The following ARSG variants were observed in gnomAD, a reference collection of about 807,000 sequenced individuals.
The protein encoded by ARSG is ASG.
A neutral mutation model predicts 50.5 loss-of-function variants in ARSG; 37 were observed. That is an observed-to-expected ratio of 0.73 (90% CI 0.56 to 0.96). The LOEUF (loss-of-function observed/expected upper bound fraction) is 0.96, where lower values mean the gene tolerates loss of function less well. Among genes scored for constraint, ARSG ranks in the 50% least tolerant of loss-of-function variants. The pLI is 0.00. For missense variants in ARSG, 629 were observed against 675.3 expected (o/e 0.93, Z 0.76); for synonymous variants, 225 against 254.6 (o/e 0.88, Z 1.11).
At chr17:68,337,211 G>A (rs953366160) in intron 2 of ARSG, among the ~76,000 whole-genome samples, 3 of 152,184 alleles carry the variant, frequency 2.0e-5, no homozygotes, top group South Asian at 2.1e-4. Flanking sequence ...GGATTATTGC[G>A]TTTAAGGTGC....
intron 1 of ARSG, among the ~76,000 whole-genome samples, chr17:68,283,922 A>G (rs1367669182): frequency 3.3e-5 from 5 of 150,474 alleles, no homozygotes; most frequent in African/African-American, 1.2e-4. Flanking sequence ...ACATAGCAAA[A>G]CACTGTCTCT....
chr17:68,404,851 A>G (rs1469456204), intron 11 of ARSG, among the ~76,000 whole-genome samples: 1 of 152,130 alleles, frequency 6.6e-6, no homozygotes, highest in Non-Finnish European at 1.5e-5. Context: ...ATTTCCAGTT[A>G]ATTTTTGTAT....
chr17:68,291,182 G>T (rs1028409467), upstream of ARSG: 1 of 152,004 alleles, frequency 6.6e-6, no homozygotes, highest in African/African-American at 2.4e-5. Context: ...CATGAGAAAA[G>T]GATTAACCCC....
intron 1 of ARSG, among the ~76,000 whole-genome samples, chr17:68,281,955 G>T (rs1451847192): frequency 2.0e-5 from 3 of 152,150 alleles, no homozygotes; most frequent in African/African-American, 4.8e-5. Flanking sequence ...ATTCCTCAAG[G>T]ATCTAGAACT....
At chr17:68,419,194 A>G (rs1259078986) in intron 11 of ARSG, among the ~76,000 whole-genome samples, 1 of 152,138 alleles carries the variant, frequency 6.6e-6, no homozygotes, top group Non-Finnish European at 1.5e-5. Context: ...TGATTCACCA[A>G]TTGGTAGTCA....
At chr17:68,436,230 G>A in the ARSG span, 1 of 688,306 alleles carries the variant, frequency 1.5e-6, no homozygotes, top group Non-Finnish European at 2.5e-6. Flanking sequence ...AAGCCCGAGG[G>A]GAAATAGTAT....
chr17:68,294,884 C>T (rs1451858632), intron 1 of ARSG, among the ~76,000 whole-genome samples: 2 of 152,084 alleles, frequency 1.3e-5, no homozygotes, highest in African/African-American at 2.4e-5. Flanking sequence ...GAAGGCAGGG[C>T]CCTTCAAACT....
chr17:68,274,143 C>T, intron 1 of ARSG: 5 of 1,504,112 alleles, frequency 3.3e-6, no homozygotes, highest in Non-Finnish European at 4.6e-6. Flanking sequence ...ACTCCTTCCT[C>T]CACGTCTTGC....
rs567342286 is a variant in ARSG at position 68,333,628 on chromosome 17, CAAA to C, written c.219-9973_219-9971del. Among the ~76,000 whole-genome samples the C allele has an allele frequency of 2.1e-3, 214 of 102,394 alleles. 1 individual carries two copies. Among genetic ancestry groups the C allele is most frequent in the African/African-American group, 7.4e-3 (200 of 26,990 alleles). 67.2% of individuals were successfully genotyped at this position (102,394 alleles called of 152,430 possible). On this transcript the variant is annotated intron_variant, in intron 2 of 11. Coordinates refer to ENST00000621439, the MANE Select transcript of ARSG (RefSeq NM_001267727.2). ...GGGCAACAAGGGCAAAACTCTGTCTCAAAAATAATAATAATAATAATAATAATA... is the reference window on the plus strand; with the variant it reads ...GGGCAACAAGGGCAAAACTCTGTCTCAATAATAATAATAATAATAATAATA...
chr17:68,392,222 G>A (rs936290738), intron 9 of ARSG, among the ~76,000 whole-genome samples: 1 of 152,224 alleles, frequency 6.6e-6, no homozygotes, highest in Non-Finnish European at 1.5e-5. Context: ...CTGACTTCCA[G>A]TTGGCCTGGC....
intron 1 of ARSG, chr17:68,278,442 A>G (rs2075593716): frequency 3.1e-6 from 2 of 646,212 alleles, no homozygotes; most frequent in East Asian, 5.5e-5. Context: ...TAAGTTGTTG[A>G]ATATTTATTT....
chr17:68,392,744 C>T (rs975736886), intron 9 of ARSG, among the ~76,000 whole-genome samples: 6 of 152,226 alleles, frequency 3.9e-5, no homozygotes, highest in Non-Finnish European at 7.3e-5. Flanking sequence ...AGGTGATCCA[C>T]CCACCTCAGC....
At chr17:68,403,001 T>C (rs2081546446) in intron 11 of ARSG, among the ~76,000 whole-genome samples, 1 of 152,220 alleles carries the variant, frequency 6.6e-6, no homozygotes, top group East Asian at 1.9e-4. Context: ...TTGATTCAGT[T>C]ATTTAATGTT....
chr17:68,428,741 G>T, the ARSG span: 1 of 985,336 alleles, frequency 1.0e-6, no homozygotes, highest in Non-Finnish European at 1.6e-6. Context: ...ATCAATGCAA[G>T]GGCACTGAAG....
At chr17:68,371,312 G>A (rs148139645) in intron 8 of ARSG, among the ~76,000 whole-genome samples, 5,630 of 104,054 alleles carry the variant, frequency 0.054, 311 homozygotes, top group Admixed American at 0.17. Flanking sequence ...GTGAGACTCC[G>A]TCTCAAAAAA....
At chr17:68,278,715 G>T (rs529878016) in intron 1 of ARSG, among the ~76,000 whole-genome samples, 2 of 150,040 alleles carry the variant, frequency 1.3e-5, no homozygotes, top group Admixed American at 6.7e-5. Context: ...GGCCTCCCGG[G>T]TTCAAGTGAT....
At chr17:68,279,405 A>G (rs1268475434) in intron 1 of ARSG, among the ~76,000 whole-genome samples, 1 of 152,104 alleles carries the variant, frequency 6.6e-6, no homozygotes, top group African/African-American at 2.4e-5. Context: ...CACAGACACA[A>G]TGTCACTATA....
chr17:68,307,816 T>G (rs1333424577), intron 2 of ARSG, 105 bp downstream of exon 2: 4 of 655,072 alleles, frequency 6.1e-6, no homozygotes, highest in Non-Finnish European at 5.3e-6. Flanking sequence ...GATGGACCCA[T>G]GCTGATTTAG....
At chr17:68,422,762 G>A (rs937195877), downstream of ARSG, 10 of 149,778 alleles carry the variant, frequency 6.7e-5, no homozygotes, top group Non-Finnish European at 1.2e-4. Context: ...AAAAGGGAAG[G>A]TCAGTTTATA....
Sources: gnomAD v4.1 joint callset for allele counts (sites outside exome capture counted in the v4.1 genomes callset) on GRCh38, gnomAD v4.1.1 for gene constraint, MANE v1.5 for transcripts, NCBI Gene and HGNC (gene_info 2026-07-23, HGNC 2026-07-21) for gene names.